The following OTUD4 variants were observed in gnomAD, a reference collection of about 807,000 sequenced individuals.
OTUD4 encodes the protein OTU domain-containing protein 4.
Under a neutral mutation model 130.4 loss-of-function variants are expected in OTUD4, and 24 were observed. That is an observed-to-expected ratio of 0.18 (90% CI 0.13 to 0.26). OTUD4 has a LOEUF of 0.26. Among genes scored for constraint, OTUD4 ranks in the 10% least tolerant of loss-of-function variants. The pLI, the probability that OTUD4 is intolerant of heterozygous loss-of-function variation, is 1.00. For missense variants in OTUD4, 1,031 were observed against 1,329.4 expected, an observed-to-expected ratio of 0.78 and a Z score of 3.49; for synonymous variants, 420 against 472.5, an observed-to-expected ratio of 0.89 and a Z score of 1.44.
In OTUD4 at chr4:145,136,463, C is replaced by CGGGGGGGGGGG. The variant is rs769298389; in HGVS notation, c.*956_*966dup. The CGGGGGGGGGGG allele has an allele frequency of 1.2e-3, 5 of 4,288 alleles. 1 individual carries two copies. Among genetic ancestry groups the CGGGGGGGGGGG allele is most frequent in the Non-Finnish European group, 1.9e-3 (2 of 1,080 alleles). The allele number at this position is 4,288 out of a possible 1,614,324, so 0.3% of individuals were successfully genotyped here. ...TGAAAGTGATACACAACCAATGGTG[C>CGGGGGGGGGGG]GGGGGGGGGGGGGAGGAAGAAAACA... On this transcript the variant is annotated 3_prime_UTR_variant, in exon 21 of 21. Transcript: ENST00000447906.
At chr4:145,148,510 A>C (rs1464593415) in intron 13 of OTUD4, among the ~76,000 whole-genome samples, 1 of 152,188 alleles carries the variant, frequency 6.6e-6, no homozygotes, top group Non-Finnish European at 1.5e-5. Flanking sequence ...AAAAAAAAAA[A>C]AAAACTGTTG....
intron 3 of OTUD4, among the ~76,000 whole-genome samples, chr4:145,167,922 C>T (rs879610865): frequency 9.9e-5 from 15 of 152,008 alleles, no homozygotes; most frequent in Non-Finnish European, 2.2e-4. Flanking sequence ...GAATAATGTA[C>T]TTTTTGATAC....
At chr4:145,143,480 T>C in intron 16 of OTUD4, 35 bp from the exon 17 acceptor site, 1 of 1,253,566 alleles carries the variant, frequency 8.0e-7, no homozygotes, top group Non-Finnish European at 1.2e-6. Context: ...GTTTTGTATT[T>C]CAGAGACCCA....
At chr4:145,174,106 G>A (rs115637363) in intron 2 of OTUD4, among the ~76,000 whole-genome samples, 3 of 150,580 alleles carry the variant, frequency 2.0e-5, no homozygotes, top group African/African-American at 7.4e-5. Flanking sequence ...TCCTGGGTTC[G>A]AGCAATCCTC....
rs147253069 is a variant in OTUD4 at position 145,137,772 on chromosome 4, A to T, written c.3003T>A (p.Ala1001=). The change falls in exon 21 of 21, where the codon GCT becomes GCA. Residue 1001 remains alanine, a synonymous_variant. Coordinates refer to ENST00000447906, the MANE Select transcript of OTUD4 (RefSeq NM_001366057.1). ...TGGCCCCAGGGCTGACCACATCAGC[A>T]GCAGTCTTAGGATCTTTTACTTTTT... ...KTEKVKDPKT[A]ADVVSPGANS... 7.7e-3 allele frequency: 12,392 copies of T among 1,614,062 alleles called. 63 individuals carry two copies. Among genetic ancestry groups the T allele is most frequent in the Non-Finnish European group, 8.8e-3 (10,374 of 1,179,984 alleles).
chr4:145,150,705 G>T lies in OTUD4; in HGVS notation c.1073-6C>A, dbSNP rs562650168. On this transcript the variant is annotated splice_region_variant and splice_polypyrimidine_tract_variant and intron_variant, in intron 12 of 20. Transcript: ENST00000447906. The stretch of plus-strand genomic sequence containing the variant: ...TGGCCCTCTGTAATCCACATCTGTT[G>T]TAAGAACCCAAAAGTACATGATAAT... 1.2e-5 allele frequency: 20 copies of T among 1,606,850 alleles called. No homozygotes were observed. The highest frequency in any genetic ancestry group is 4.5e-5 in the East Asian group (2 of 44,728).
intron 7 of OTUD4, chr4:145,159,228 A>G (rs1162935261): frequency 2.5e-6 from 3 of 1,224,322 alleles, no homozygotes. Flanking sequence ...ACACACATAT[A>G]GGTAGGACCA....
At chr4:145,165,034 A>G in intron 4 of OTUD4, 117 bp downstream of exon 4, 1 of 518,306 alleles carries the variant, frequency 1.9e-6, no homozygotes. Context: ...AAAACTTAGA[A>G]AAGATACTTC....
At chr4:145,171,452 G>C (rs1414866210) in intron 3 of OTUD4, 2 of 438,364 alleles carry the variant, frequency 4.6e-6, no homozygotes, top group Non-Finnish European at 8.1e-6. Context: ...TTATAGCCAA[G>C]ATAAAATATC....
At chr4:145,157,048 G>C (rs984054038) in intron 7 of OTUD4, among the ~76,000 whole-genome samples, 2 of 152,026 alleles carry the variant, frequency 1.3e-5, no homozygotes, top group African/African-American at 4.8e-5. Flanking sequence ...CAAATCTCCT[G>C]GTAAACACCA....
At chr4:145,160,101 A>T (rs1751485216) in intron 6 of OTUD4, among the ~76,000 whole-genome samples, 1 of 152,244 alleles carries the variant, frequency 6.6e-6, no homozygotes, top group African/African-American at 2.4e-5. Context: ...AGAGACTTAG[A>T]TTAAAAACAT....
intron 7 of OTUD4, chr4:145,159,052 G>T: frequency 2.0e-6 from 1 of 495,552 alleles, no homozygotes; most frequent in Non-Finnish European, 2.7e-6. Flanking sequence ...GCATTATCCA[G>T]GTGTTCACAT....
intron 14 of OTUD4, chr4:145,145,952 T>A (rs528521008): frequency 2.4e-5 from 4 of 166,794 alleles, no homozygotes; most frequent in African/African-American, 9.5e-5. Flanking sequence ...AACTAAATCA[T>A]GAACCTCTAC....
chr4:145,154,088 T>C (rs573213559), intron 10 of OTUD4, among the ~76,000 whole-genome samples: 2 of 152,330 alleles, frequency 1.3e-5, no homozygotes, highest in Admixed American at 1.3e-4. Context: ...TCAAAGGAAA[T>C]ATGCTTGACT....
At chr4:145,173,370 GGCGACA>G (rs1329275498) in intron 2 of OTUD4, among the ~76,000 whole-genome samples, 3 of 151,986 alleles carry the variant, frequency 2.0e-5, no homozygotes, top group African/African-American at 7.3e-5. Flanking sequence ...CTCCAGCCTG[GGCGACA>G]GAGCGAGACT....
chr4:145,140,029 C>T, intron 19 of OTUD4, 38 bp from the exon 20 acceptor site: 5 of 634,530 alleles, frequency 7.9e-6, no homozygotes, highest in Non-Finnish European at 1.3e-5. Flanking sequence ...AATTATATAT[C>T]TGCAGAGATT....
intron 5 of OTUD4, among the ~76,000 whole-genome samples, chr4:145,163,148 T>C (rs146040411): frequency 1.8e-4 from 27 of 152,330 alleles, no homozygotes; most frequent in African/African-American, 4.8e-4. Flanking sequence ...AAAATGCACA[T>C]TGATTTTGTT....
Position 145,164,240 on chromosome 4 carries a change from T to C in OTUD4, c.342-14A>G. 3 of 1,131,712 alleles carry C rather than the reference T, an allele frequency of 2.7e-6. No homozygotes were observed. The Admixed American group carries it at 6.5e-5, about 25-fold the overall frequency. 70.1% of individuals were successfully genotyped at this position (1,131,712 alleles called of 1,614,324 possible). A position where few individuals can be genotyped will look rare whatever the true frequency, so the allele number is the denominator to read the frequency against. ...ATAAAATCTTTCCTGAAAATAACAA[T>C]TAGAAATTATTTATAATGGACTATA... On this transcript the variant is annotated splice_polypyrimidine_tract_variant and intron_variant, in intron 4 of 20. Coordinates refer to ENST00000447906, the MANE Select transcript of OTUD4 (RefSeq NM_001366057.1).
chr4:145,173,911 G>A (rs944239432), intron 2 of OTUD4, among the ~76,000 whole-genome samples: 1 of 151,914 alleles, frequency 6.6e-6, no homozygotes, highest in African/African-American at 2.4e-5. Flanking sequence ...AGTTCACACT[G>A]AACCCTGAAA....
Sources: gnomAD v4.1 joint callset for allele counts (sites outside exome capture counted in the v4.1 genomes callset) on GRCh38, gnomAD v4.1.1 for gene constraint, MANE v1.5 for transcripts, NCBI Gene and HGNC (gene_info 2026-07-23, HGNC 2026-07-21) for gene names.